MXRA8: variants seen among roughly 807,000 people sequenced by gnomAD.
MXRA8 encodes matrix remodeling-associated protein 8.
Under a neutral mutation model 51.4 loss-of-function variants are expected in MXRA8, and 44 were observed. The observed-to-expected ratio is 0.86, with a 90% CI of 0.67 to 1.10. MXRA8 has a LOEUF of 1.10. Among genes scored for constraint, MXRA8 ranks in the 50% least tolerant of loss-of-function variants. The pLI is 0.00. For missense variants in MXRA8, 765 were observed against 638.9 expected, an observed-to-expected ratio of 1.20 and a Z score of -2.13; for synonymous variants, 369 against 293.5, an observed-to-expected ratio of 1.26 and a Z score of -2.63.
chr1:1,360,332 AT>A (rs1453441103), upstream of MXRA8, among the ~76,000 whole-genome samples: 4 of 152,182 alleles, frequency 2.6e-5, no homozygotes, highest in Non-Finnish European at 5.9e-5. Context: ...CAAAAGGCTG[AT>A]GAGGCCATCA....
chr1:1,358,491 G>T lies in MXRA8; in HGVS notation c.14C>A (p.Ser5Tyr). ...CACAAGTTTCCAAAGCAGGATTCGG[G>T]ATGGCAGCGCCATGGCCCCCGCCCA... The part of the protein sequence containing the change: MALP[S>Y]RILLWKLVLL... Residue 5 changes from serine (S) to tyrosine (Y), a missense_variant, in exon 1 of 10, where the codon TCC (serine) becomes TAC (tyrosine). Physicochemically the swap from Ser to Tyr is moderately radical, Grantham distance 144 (BLOSUM62 -2). Transcript: ENST00000309212. 2 of 1,613,388 alleles carry T rather than the reference G, an allele frequency of 1.2e-6. No individual in the cohort carries two copies. The highest frequency in any genetic ancestry group is 1.7e-6 in the Non-Finnish European group (2 of 1,179,714).
rs1325662255 is a variant in MXRA8 at position 1,356,855 on chromosome 1, A to C, written c.50-151T>G. On this transcript the variant is annotated intron_variant, in intron 1 of 9. Transcript: ENST00000309212. ...GGGAGGACGCCTCTCACACAGACCT[A>C]CATAGCCCTCCCTGCCACCGTGCTG... 9.8e-6 allele frequency: 6 copies of C among 612,896 alleles called. No homozygotes were observed. In the South Asian group the frequency reaches 2.0e-4, roughly 20 times the overall value. 38.0% of individuals were successfully genotyped at this position (612,896 alleles called of 1,614,324 possible).
Position 1,355,647 on chromosome 1 carries a change from A to C in MXRA8, c.179T>G (p.Val60Gly). The C allele has an allele frequency of 7.0e-7, 1 of 1,438,178 alleles. No homozygotes were observed. 89.1% of individuals were successfully genotyped at this position (1,438,178 alleles called of 1,614,324 possible). A position where few individuals can be genotyped will look rare whatever the true frequency, so the allele number is the denominator to read the frequency against. The change falls in exon 3 of 10, where the codon GTG becomes GGG. Residue 60 changes from valine (V) to glycine (G), a missense_variant. Physicochemically the swap from Val to Gly is moderately radical, Grantham distance 109 (BLOSUM62 -3). Transcript: ENST00000309212. ...AVLRCQSPRM[V>G]WTQDRLHDRQ... ...GTCGTGCAGCCGGTCCTGGGTCCAC[A>C]CCATGCGCGGGCTCTGGCAGCGCAG...
rs1305618617 is a variant in MXRA8, at chr1:1,355,574, G to A, written c.252C>T (p.Pro84=). Residue 84 remains proline (P), a synonymous_variant, in exon 3 of 10, where the codon CCC becomes CCT. Transcript: ENST00000309212. ...AGTACAAGTCCAGCAGGCGCCGCGC[G>A]GGGCCACCCCCGGGGCCGCGCAGGT... ...HWDLRGPGGG[P]ARRLLDLYSA... 2.0e-6 allele frequency: 3 copies of A among 1,479,428 alleles called. No individual in the cohort carries two copies. Among genetic ancestry groups the A allele is most frequent in the South Asian group, 1.3e-5 (1 of 78,296 alleles). 91.6% of individuals were successfully genotyped at this position (1,479,428 alleles called of 1,614,324 possible). A position where few individuals can be genotyped will look rare whatever the true frequency, so the allele number is the denominator to read the frequency against.
At position 1,355,550 on chromosome 1, in the gene MXRA8, G is replaced by A. The variant is rs1006052276; in HGVS notation, c.276C>T (p.Tyr92=). 8 of 1,492,236 alleles carry A rather than the reference G, an allele frequency of 5.4e-6. No homozygotes were observed. The highest frequency in any genetic ancestry group is 4.5e-5 in the Admixed American group (2 of 44,232). The allele number at this position is 1,492,236 out of a possible 1,614,324, so 92.4% of individuals were successfully genotyped here. A position where few individuals can be genotyped will look rare whatever the true frequency, so the allele number is the denominator to read the frequency against. The change falls in exon 3 of 10, where the codon TAC becomes TAT. Residue 92 remains tyrosine (Y), a synonymous_variant. Transcript: ENST00000309212. The part of the protein sequence containing the change: ...GGPARRLLDL[Y]SAGEQRVYEA... ...CGTACACGCGCTGCTCGCCCGCCGA[G>A]TACAAGTCCAGCAGGCGCCGCGCGG... is the stretch of plus-strand genomic sequence containing the variant.
At chr1:1,359,145 A>G, upstream of MXRA8, 1 of 985,202 alleles carries the variant, frequency 1.0e-6, no homozygotes, top group African/African-American at 1.7e-5. Context: ...TCCCCTTTAC[A>G]ACCTGGAGAG....
rs1270426757 is a variant in MXRA8, at chr1:1,356,513, T to A, written c.73+168A>T. Among the ~76,000 whole-genome samples the A allele has an allele frequency of 5.1e-5, 4 of 79,112 alleles. No individual in the cohort carries two copies. In the Admixed American group the frequency reaches 6.1e-4, roughly 12 times the overall value. 51.9% of individuals were successfully genotyped at this position (79,112 alleles called of 152,430 possible). A position where few individuals can be genotyped will look rare whatever the true frequency, so the allele number is the denominator to read the frequency against. On this transcript the variant is annotated intron_variant, in intron 2 of 9. Transcript: ENST00000309212. Reference sequence around the variant, plus strand: ...GGCCCTGGTAGGGGAAGAGGAGTCATTGGGGGAGGGGGAGTTATTGGCAAG... The same window carrying A: ...GGCCCTGGTAGGGGAAGAGGAGTCAATGGGGGAGGGGGAGTTATTGGCAAG...
upstream of MXRA8, chr1:1,359,366 C>T (rs958679246): frequency 1.0e-6 from 1 of 985,444 alleles, no homozygotes; most frequent in Non-Finnish European, 1.2e-6. Context: ...TGTGGGAAAA[C>T]TTACAAAGTC....
At chr1:1,359,948 T>C (rs1050751933), upstream of MXRA8, among the ~76,000 whole-genome samples, 29 of 152,206 alleles carry the variant, frequency 1.9e-4, no homozygotes, top group African/African-American at 6.3e-4. Context: ...CGCCCGCCCA[T>C]GTCTGTCTCC....
chr1:1,353,707 C>CA, intron 9 of MXRA8, 78 bp from the exon 10 acceptor site: 10 of 1,494,592 alleles, frequency 6.7e-6, no homozygotes, highest in Non-Finnish European at 9.1e-6. Context: ...CAGACCCCCC[C>CA]GCAGGACTCC....
At chr1:1,357,993 A>C (rs1436612492) in intron 1 of MXRA8, among the ~76,000 whole-genome samples, 1 of 152,092 alleles carries the variant, frequency 6.6e-6, no homozygotes, top group Non-Finnish European at 1.5e-5. Context: ...GCTCTCCCTC[A>C]CATAGATCCT....
In MXRA8 at chr1:1,354,205, C is replaced by T; in HGVS notation, c.1133G>A (p.Gly378Glu). Reference sequence around the variant, plus strand: ...GGGGGGCACTCACCCCTTTGACTTTCCCGACTTCTGGTCCGAGTATTCGTA... The same window carrying T: ...GGGGGGCACTCACCCCTTTGACTTTTCCGACTTCTGGTCCGAGTATTCGTA... ...GGYEYSDQKS[G>E]KSKGKDVNLA... Residue 378 changes from glycine to glutamate, a missense_variant, in exon 7 of 10, where the codon GGA becomes GAA. By Grantham distance (98) the Gly-to-Glu change is moderately conservative. Transcript: ENST00000309212. 4 of 1,612,686 alleles carry T rather than the reference C, an allele frequency of 2.5e-6. No homozygotes were observed. The East Asian group carries it at 8.9e-5, about 36-fold the overall frequency.
In MXRA8 at chr1:1,354,731, G is replaced by A; in HGVS notation, c.900C>T (p.Pro300=). 1.2e-6 allele frequency: 2 copies of A among 1,608,032 alleles called. No individual in the cohort carries two copies. The highest frequency in any genetic ancestry group is 1.7e-6 in the Non-Finnish European group (2 of 1,178,044). ...TVAEPHAEPP[P]RGSPGNGSSH... ...TGGAGCCGTTGCCCGGAGAGCCCCG[G>A]GGGGGCGGCTCCGCGTGGGGTTCGG... The change falls in exon 5 of 10, where the codon CCC becomes CCT. Residue 300 remains proline (P), a synonymous_variant. Coordinates refer to ENST00000309212, the MANE Select transcript of MXRA8 (RefSeq NM_032348.4).
Position 1,355,251 on chromosome 1 carries a change from G to C in MXRA8, c.471C>G (p.Thr157=). ...YESLAVRLEV[T]DGPPATPAYW... is the part of the protein sequence containing the mutation. ...CGGGGGGGAAGCACTCACGGCCGTCGGTGACCTCCAGGCGGACGGCCAGGC... is the reference window on the plus strand; with the variant it reads ...CGGGGGGGAAGCACTCACGGCCGTCCGTGACCTCCAGGCGGACGGCCAGGC... The change falls in exon 4 of 10, where the codon ACC becomes ACG. Residue 157 remains threonine (T), a synonymous_variant. Transcript: ENST00000309212. 2 of 1,558,218 alleles carry C rather than the reference G, an allele frequency of 1.3e-6. No homozygotes were observed. The highest frequency in any genetic ancestry group is 1.2e-5 in the South Asian group (1 of 85,508).
At chr1:1,360,395 A>G (rs1004764496), upstream of MXRA8, among the ~76,000 whole-genome samples, 18 of 149,792 alleles carry the variant, frequency 1.2e-4, no homozygotes, top group Non-Finnish European at 1.2e-4. Flanking sequence ...ACAGCCACAG[A>G]GAAGAGCAGG....
Position 1,354,963 on chromosome 1 carries a change from A to G in MXRA8, c.668T>C (p.Leu223Pro), listed in dbSNP as rs769708573. ...GVPHDRADRL[L>P]DLYASGERRA... ...GCGCTCGCCCGACGCGTAGAGGTCC[A>G]GCAGGCGGTCCGCGCGGTCGTGCGG... The change falls in exon 5 of 10, where the codon CTG becomes CCG. Residue 223 changes from leucine to proline, a missense_variant. Transcript: ENST00000309212. The G allele has an allele frequency of 1.3e-6, 2 of 1,599,478 alleles. No individual in the cohort carries two copies. Among genetic ancestry groups the G allele is most frequent in the Admixed American group, 3.4e-5 (2 of 58,144 alleles).
upstream of MXRA8, chr1:1,358,678 T>A (rs1644180850): frequency 1.8e-5 from 25 of 1,400,940 alleles, no homozygotes; most frequent in African/African-American, 2.7e-4. Flanking sequence ...GCCTCCCCCA[T>A]CGTTGCTGGC....
Position 1,354,114 on chromosome 1 carries a change from G to T in MXRA8, c.1146-8C>A, listed in dbSNP as rs376582557. The T allele has an allele frequency of 8.6e-5, 139 of 1,612,820 alleles. No homozygotes were observed. Among genetic ancestry groups the T allele is most frequent in the Non-Finnish European group, 1.0e-4 (122 of 1,180,010 alleles). ...GCCAAGTTAACATCCTTCCTGGATG[G>T]CGAGGGTGGGAGGAGGTTACAGCTG... On this transcript the variant is annotated splice_region_variant and splice_polypyrimidine_tract_variant and intron_variant, in intron 7 of 9. Coordinates refer to ENST00000309212, the MANE Select transcript of MXRA8 (RefSeq NM_032348.4).
Position 1,354,869 on chromosome 1 carries a change from G to A in MXRA8, c.762C>T (p.Asp254=), listed in dbSNP as rs1334969040. The A allele has an allele frequency of 3.7e-6, 6 of 1,611,930 alleles. No individual in the cohort carries two copies. Among genetic ancestry groups the A allele is most frequent in the Non-Finnish European group, 5.1e-6 (6 of 1,179,592 alleles). ...AVGADAFERG[D]FSLRIEPLEV... ...CCAGCGGCTCGATACGCAGTGAGAA[G>A]TCACCGCGCTCAAAGGCATCCGCGC... The change falls in exon 5 of 10, where the codon GAC becomes GAT. Residue 254 remains aspartate, a synonymous_variant. Coordinates refer to ENST00000309212, the MANE Select transcript of MXRA8 (RefSeq NM_032348.4).
Sources: allele counts gnomAD v4.1 joint callset (sites outside exome capture counted in the v4.1 genomes callset), GRCh38; gene constraint gnomAD v4.1.1; transcripts MANE v1.5; gene names NCBI Gene and HGNC (gene_info 2026-07-23, HGNC 2026-07-21).